Variants in CNBD1 observed in about 807,000 individuals in gnomAD.
CNBD1 encodes cyclic nucleotide-binding domain-containing protein 1.
A neutral mutation model predicts 54.4 loss-of-function variants in CNBD1; 71 were observed. The ratio of observed to expected loss-of-function variants is 1.30; its 90% CI spans 1.08 to 1.59. The LOEUF (loss-of-function observed/expected upper bound fraction) is 1.59, where lower values mean the gene tolerates loss of function less well. CNBD1 is among the 40% of genes most tolerant of loss of function. CNBD1 has a pLI of 0.00. For synonymous variants in CNBD1, 182 were observed against 170.7 expected, an observed-to-expected ratio of 1.07 and a Z score of -0.51; for missense variants, 659 against 518.0, an observed-to-expected ratio of 1.27 and a Z score of -2.64.
chr8:87,206,226 C>A, intron 5 of CNBD1, 88 bp downstream of exon 5: 1 of 1,049,300 alleles, frequency 9.5e-7, no homozygotes, highest in Non-Finnish European at 1.3e-6. Context: ...TATAATTTCA[C>A]TTAACAATTT....
At chr8:87,100,039 G>C (rs1811397617) in intron 4 of CNBD1, among the ~76,000 whole-genome samples, 1 of 152,156 alleles carries the variant, frequency 6.6e-6, no homozygotes, top group Non-Finnish European at 1.5e-5. Flanking sequence ...AGTTAGGTAA[G>C]AGAATACCAG....
At chr8:87,034,149 TGTC>T (rs1809856059) in intron 4 of CNBD1, among the ~76,000 whole-genome samples, 2 of 152,258 alleles carry the variant, frequency 1.3e-5, no homozygotes, top group South Asian at 4.1e-4. Context: ...TATCTTGAAA[TGTC>T]AGGCAACTGC....
chr8:87,319,438 G>T (rs145184622), intron 8 of CNBD1, among the ~76,000 whole-genome samples: 1 of 152,098 alleles, frequency 6.6e-6, no homozygotes. Flanking sequence ...GACAATACTT[G>T]CAGAAATTTT....
intron 3 of CNBD1, among the ~76,000 whole-genome samples, chr8:86,918,187 C>T (rs922634712): frequency 6.6e-6 from 1 of 152,018 alleles, no homozygotes; most frequent in African/African-American, 2.4e-5. Flanking sequence ...TCTCAGGATG[C>T]ATAATGGTTG....
At chr8:87,228,207 T>C (rs1814555726) in intron 5 of CNBD1, among the ~76,000 whole-genome samples, 1 of 150,020 alleles carries the variant, frequency 6.7e-6, no homozygotes, top group Non-Finnish European at 1.5e-5. Context: ...TAGCTCAGAG[T>C]AATTTGATCG....
At chr8:87,409,955 G>A (rs897047599) in intron 2 of CNBD1, among the ~76,000 whole-genome samples, 2 of 151,904 alleles carry the variant, frequency 1.3e-5, no homozygotes, top group Non-Finnish European at 2.9e-5. Context: ...CCCAGGAGAG[G>A]GAGGTTGTAG....
rs369833207 is a variant in CNBD1, at chr8:87,228,946, G to A, written c.578-7973G>A. Among the ~76,000 whole-genome samples the A allele has an allele frequency of 6.0e-4, 92 of 152,296 alleles. 1 individual carries two copies. The East Asian group carries it at 0.011, about 19-fold the overall frequency. ...GGTGGGGGATATAATCTCATGGTGC[G>A]CCGTTTTTTAAGCCCGTCGGAAAAG... On this transcript the variant is annotated intron_variant, in intron 5 of 10. Transcript: ENST00000518476.
Position 87,182,839 on chromosome 8 carries a change from A to G in CNBD1, c.432-23154A>G, listed in dbSNP as rs1813386498. Among the ~76,000 whole-genome samples the G allele has an allele frequency of 6.6e-6, 1 of 152,142 alleles. No individual in the cohort carries two copies. The highest frequency in any genetic ancestry group is 1.5e-5 in the Non-Finnish European group (1 of 68,024). On this transcript the variant is annotated intron_variant, in intron 4 of 10. Coordinates refer to ENST00000518476, the MANE Select transcript of CNBD1 (RefSeq NM_173538.3). This position sits in a 1 kb window ranked among gnomAD's most constrained non-coding sequence, Gnocchi z 4.1. ...TTGCAAGTATTTTCTCCCATTTAGT[A>G]GGTTTTCTGCCTATTCAGCTGATAA...
rs188851384 is a variant in CNBD1, at chr8:87,317,515, C to A, written c.1042+30844C>A. 3.9e-3 allele frequency among the ~76,000 whole-genome samples: 588 copies of A among 151,346 alleles called. 8 individuals are homozygous for A. Among genetic ancestry groups the A allele is most frequent in the African/African-American group, 0.014 (559 of 41,358 alleles). On this transcript the variant is annotated intron_variant, in intron 8 of 10. Coordinates refer to ENST00000518476, the MANE Select transcript of CNBD1 (RefSeq NM_173538.3). ...TTGAAAATATTTAGTTACCATTTTT[C>A]TATATGTTATTATTAATTGTGTAAT... is the stretch of plus-strand genomic sequence containing the variant.
At chr8:87,080,497 G>A (rs1240389137) in intron 4 of CNBD1, among the ~76,000 whole-genome samples, 3 of 152,106 alleles carry the variant, frequency 2.0e-5, no homozygotes, top group African/African-American at 7.2e-5. Context: ...CTTGAACCCG[G>A]GAGGTGGAGG....
chr8:87,076,546 G>T (rs985913581), intron 4 of CNBD1, among the ~76,000 whole-genome samples: 1 of 151,876 alleles, frequency 6.6e-6, no homozygotes, highest in African/African-American at 2.4e-5. Context: ...GGGTTCAAGC[G>T]ATTCTCCTGC....
chr8:87,155,176 T>G (rs996771874), intron 4 of CNBD1, among the ~76,000 whole-genome samples: 7 of 152,226 alleles, frequency 4.6e-5, no homozygotes, highest in Admixed American at 3.9e-4. Context: ...ATGTCTTAGT[T>G]AGCCATTCCT....
chr8:86,985,554 A>G (rs1032774088), intron 4 of CNBD1, among the ~76,000 whole-genome samples: 6 of 152,232 alleles, frequency 3.9e-5, no homozygotes, highest in Admixed American at 6.5e-5. Flanking sequence ...GTTGCTACAA[A>G]TGACATGGTT....
intron 10 of CNBD1, among the ~76,000 whole-genome samples, chr8:87,355,757 A>G (rs1225015633): frequency 6.6e-6 from 1 of 152,148 alleles, no homozygotes; most frequent in African/African-American, 2.4e-5. Context: ...GAATACTGTT[A>G]TCCTGAATTT....
At chr8:87,310,437 A>G (rs955124404) in intron 8 of CNBD1, among the ~76,000 whole-genome samples, 5 of 152,112 alleles carry the variant, frequency 3.3e-5, no homozygotes, top group East Asian at 3.9e-4. Context: ...TGAAAGAAAG[A>G]CCTCTATAAG....
intron 6 of CNBD1, among the ~76,000 whole-genome samples, chr8:87,244,931 C>A (rs747579805): frequency 9.2e-5 from 14 of 151,996 alleles, no homozygotes; most frequent in Non-Finnish European, 1.9e-4. Context: ...TTTATTTTAT[C>A]TAAACTGATG....
At chr8:87,024,815 G>A (rs1809597070) in intron 4 of CNBD1, among the ~76,000 whole-genome samples, 1 of 152,078 alleles carries the variant, frequency 6.6e-6, no homozygotes, top group African/African-American at 2.4e-5. Context: ...AGTTGCCATG[G>A]TTTTTGATTG....
At chr8:86,933,881 ATTATT>A (rs1809500108) in intron 3 of CNBD1, among the ~76,000 whole-genome samples, 1 of 152,166 alleles carries the variant, frequency 6.6e-6, no homozygotes, top group African/African-American at 2.4e-5. Flanking sequence ...AATTGAGTAC[ATTATT>A]TTATGTATCT....
intron 4 of CNBD1, among the ~76,000 whole-genome samples, chr8:87,144,680 G>T (rs1301639610): frequency 6.6e-6 from 1 of 152,066 alleles, no homozygotes; most frequent in African/African-American, 2.4e-5. Flanking sequence ...AATTAGACAG[G>T]CATGATGGCA....
Sources: allele counts gnomAD v4.1 joint callset (sites outside exome capture counted in the v4.1 genomes callset), GRCh38; gene constraint gnomAD v4.1.1; non-coding constraint Gnocchi (gnomAD v3.1); transcripts MANE v1.5; gene names NCBI Gene and HGNC (gene_info 2026-07-23, HGNC 2026-07-21).